PCDHA10: variants seen among roughly 807,000 people sequenced by gnomAD.
The protein encoded by PCDHA10 is protocadherin alpha 10, also known as protocadherin alpha-10.
A neutral mutation model predicts 61.2 loss-of-function variants in PCDHA10; 45 were observed. The observed-to-expected ratio is 0.74, with a 90% CI of 0.58 to 0.94. PCDHA10 has a LOEUF of 0.94. Ranked by LOEUF, PCDHA10 falls within the 40% of genes least tolerant of loss-of-function variation. The pLI is 0.00. For missense variants in PCDHA10, 1,278 were observed against 1,236.2 expected, an observed-to-expected ratio of 1.03 and a Z score of -0.51; for synonymous variants, 602 against 548.8, an observed-to-expected ratio of 1.10 and a Z score of -1.35.
chr5:140,880,645 C>A (rs535367313), intron 1 of PCDHA10, among the ~76,000 whole-genome samples: 1 of 152,032 alleles, frequency 6.6e-6, no homozygotes, highest in Admixed American at 6.6e-5. Context: ...CACTTGAGAG[C>A]CCAACTGAGG....
At chr5:140,966,993 G>A in intron 1 of PCDHA10, 4 of 1,604,524 alleles carry the variant, frequency 2.5e-6, no homozygotes, top group Non-Finnish European at 3.4e-6. Context: ...GGGCCGGGTT[G>A]CTTGCGCATC....
intron 1 of PCDHA10, among the ~76,000 whole-genome samples, chr5:140,945,375 C>T (rs1414758644): frequency 1.3e-4 from 20 of 152,006 alleles, no homozygotes; most frequent in African/African-American, 3.9e-4. Context: ...GTCCATATTA[C>T]CCAAAGCAAT....
chr5:140,924,436 A>T (rs2153572390), intron 1 of PCDHA10, among the ~76,000 whole-genome samples: 1 of 152,318 alleles, frequency 6.6e-6, no homozygotes, highest in East Asian at 1.9e-4. Context: ...CCTAGAAGAG[A>T]TAACGAATGG....
chr5:140,968,709 T>C lies in PCDHA10; in HGVS notation c.2389-10240T>C, dbSNP rs2153773320. ...GGAGAAATTAGGACTACCAGGAAGA[T>C]GGGAGATGAGAGTGGTAGCACTTTC... On this transcript the variant is annotated intron_variant, in intron 1 of 3. Coordinates refer to ENST00000307360, the MANE Select transcript of PCDHA10 (RefSeq NM_018901.4). The C allele has an allele frequency of 1.9e-6, 3 of 1,614,030 alleles. No homozygotes were observed. In the East Asian group the frequency reaches 6.7e-5, roughly 36 times the overall value.
rs782621350 is a variant in PCDHA10 at position 140,876,591 on chromosome 5, C to T, written c.2388+18155C>T. ...TGGGTACCGTCATTGCCCTGATTAG[C>T]GTGTCGGATCGTGACTCTGGAGCCA... On this transcript the variant is annotated intron_variant, in intron 1 of 3. Transcript: ENST00000307360. 9.5e-5 allele frequency: 153 copies of T among 1,614,058 alleles called. 1 individual carries two copies. The highest frequency in any genetic ancestry group is 8.2e-4 in the Middle Eastern group (5 of 6,082).
chr5:140,877,649 C>T (rs369703340), intron 1 of PCDHA10: 4 of 1,613,556 alleles, frequency 2.5e-6, no homozygotes, highest in Middle Eastern at 1.7e-4. Context: ...TGCTCAGCGC[C>T]GCCCACCGTG....
chr5:140,856,169 G>C lies in PCDHA10; in HGVS notation c.121G>C (p.Gly41Arg), dbSNP rs200441286. Reference protein sequence around the residue: ...HYSVYEEARHGTFVGRIAQDL... With the variant: ...HYSVYEEARHRTFVGRIAQDL... ...CTCAGTCTACGAGGAGGCCAGACAC[G>C]GCACCTTCGTGGGCCGCATCGCGCA... The change falls in exon 1 of 4, where the codon GGC becomes CGC. Residue 41 changes from glycine (G) to arginine (R), a missense_variant. Coordinates refer to ENST00000307360, the MANE Select transcript of PCDHA10 (RefSeq NM_018901.4). 4 of 1,598,346 alleles carry C rather than the reference G, an allele frequency of 2.5e-6. 1 individual carries two copies. Among genetic ancestry groups the C allele is most frequent in the Non-Finnish European group, 3.4e-6 (4 of 1,167,908 alleles).
At chr5:140,870,590 G>C in intron 1 of PCDHA10, 1 of 1,613,564 alleles carries the variant, frequency 6.2e-7, no homozygotes, top group Non-Finnish European at 8.5e-7. Context: ...CTGGTGGAGC[G>C]GCGGTTGGGC....
chr5:140,876,948 C>T, intron 1 of PCDHA10: 2 of 1,613,572 alleles, frequency 1.2e-6, no homozygotes, highest in Non-Finnish European at 1.7e-6. Context: ...TGGTGTCCTA[C>T]TCGCTGGTGG....
At chr5:140,875,837 A>T in intron 1 of PCDHA10, 1 of 1,614,140 alleles carries the variant, frequency 6.2e-7, no homozygotes, top group Non-Finnish European at 8.5e-7. Context: ...GTGGACGTGG[A>T]GGTGAAGGAC....
intron 3 of PCDHA10, among the ~76,000 whole-genome samples, chr5:140,994,883 A>T (rs1197020328): frequency 6.6e-6 from 1 of 152,222 alleles, no homozygotes; most frequent in Non-Finnish European, 1.5e-5. Flanking sequence ...AAGAGATGTT[A>T]GGAAATGAGA....
At chr5:140,983,392 C>T (rs1190599444) in intron 3 of PCDHA10, among the ~76,000 whole-genome samples, 2 of 152,150 alleles carry the variant, frequency 1.3e-5, no homozygotes, top group African/African-American at 2.4e-5. Context: ...TGGCAGTTTT[C>T]AGAAAGGGAA....
chr5:140,878,474 C>A (rs1227598146), intron 1 of PCDHA10, among the ~76,000 whole-genome samples: 1 of 152,134 alleles, frequency 6.6e-6, no homozygotes, highest in Non-Finnish European at 1.5e-5. Flanking sequence ...AATCATTTCT[C>A]AATTTAAAAA....
intron 1 of PCDHA10, among the ~76,000 whole-genome samples, chr5:140,906,677 A>C (rs1239152358): frequency 6.6e-6 from 1 of 152,134 alleles, no homozygotes; most frequent in Admixed American, 6.5e-5. Context: ...CCAAACCTTC[A>C]TTCCTGAAGG....
chr5:140,991,719 A>T (rs1451245400), intron 3 of PCDHA10, among the ~76,000 whole-genome samples: 1 of 152,194 alleles, frequency 6.6e-6, no homozygotes, highest in African/African-American at 2.4e-5. Flanking sequence ...TGCTACTAGC[A>T]GCCTGTTCAA....
chr5:140,887,781 T>C (rs2061576427), intron 1 of PCDHA10, among the ~76,000 whole-genome samples: 2 of 152,338 alleles, frequency 1.3e-5, no homozygotes, highest in African/African-American at 4.8e-5. Flanking sequence ...ACACAGGTCA[T>C]TGAAGCGTTC....
At chr5:140,896,501 T>G (rs1279439158) in intron 1 of PCDHA10, among the ~76,000 whole-genome samples, 4 of 152,048 alleles carry the variant, frequency 2.6e-5, no homozygotes, top group Non-Finnish European at 4.4e-5. Flanking sequence ...TAGCTGGGAC[T>G]GTGCAGGCAC....
chr5:140,903,818 T>A (rs1554191152), intron 1 of PCDHA10, among the ~76,000 whole-genome samples: 1 of 152,202 alleles, frequency 6.6e-6, no homozygotes. Context: ...AGTTCTCACA[T>A]GAATGTCTGT....
chr5:140,950,270 G>A (rs980703743), intron 1 of PCDHA10, among the ~76,000 whole-genome samples: 1 of 151,960 alleles, frequency 6.6e-6, no homozygotes, highest in East Asian at 1.9e-4. Flanking sequence ...TATCCATAAT[G>A]TCTTTTTGCT....
Sources: allele counts gnomAD v4.1 joint callset (sites outside exome capture counted in the v4.1 genomes callset), GRCh38; gene constraint gnomAD v4.1.1; transcripts MANE v1.5; gene names NCBI Gene and HGNC (gene_info 2026-07-23, HGNC 2026-07-21).